AK2: variants seen among roughly 807,000 people sequenced by gnomAD.
AK2 encodes the protein adenylate kinase 2, mitochondrial.
A neutral mutation model predicts 24.6 loss-of-function variants in AK2; 15 were observed. The ratio of observed to expected loss-of-function variants is 0.61; its 90% CI spans 0.41 to 0.94. AK2 has a LOEUF of 0.94. Among genes scored for constraint, AK2 ranks in the 40% least tolerant of loss-of-function variants. The pLI is 0.00. For missense variants in AK2, 257 were observed against 304.1 expected, an observed-to-expected ratio of 0.85 and a Z score of 1.15; for synonymous variants, 102 against 114.0, an observed-to-expected ratio of 0.90 and a Z score of 0.67.
At chr1:33,030,518 C>T (rs1640173268) in intron 1 of AK2, among the ~76,000 whole-genome samples, 1 of 152,138 alleles carries the variant, frequency 6.6e-6, no homozygotes, top group Non-Finnish European at 1.5e-5. Flanking sequence ...CGTGCCATTG[C>T]ACTCCAGCCT....
At chr1:33,016,622 C>T (rs1340084160) in intron 4 of AK2, among the ~76,000 whole-genome samples, 5 of 152,042 alleles carry the variant, frequency 3.3e-5, no homozygotes, top group Non-Finnish European at 7.4e-5. Context: ...GTGACCCTCC[C>T]GCCTCAGTCT....
chr1:33,026,166 A>G (rs1440788148), intron 1 of AK2, among the ~76,000 whole-genome samples: 2 of 152,212 alleles, frequency 1.3e-5, no homozygotes, highest in East Asian at 3.8e-4. Flanking sequence ...CCCGATTCCA[A>G]CAAATCAGTT....
intron 2 of AK2, among the ~76,000 whole-genome samples, chr1:33,023,858 A>G (rs937141827): frequency 2.0e-5 from 3 of 152,186 alleles, no homozygotes; most frequent in African/African-American, 7.2e-5. Flanking sequence ...CAGAACAAAC[A>G]AAATAACTTG....
intron 1 of AK2, chr1:33,031,008 CTTAAG>C (rs945908667): frequency 4.6e-5 from 7 of 152,206 alleles, no homozygotes; most frequent in East Asian, 1.9e-4. Context: ...TATCTTATAG[CTTAAG>C]TTGTTTTTTT....
At chr1:33,033,847 T>C (rs1464643345) in intron 1 of AK2, among the ~76,000 whole-genome samples, 1 of 152,182 alleles carries the variant, frequency 6.6e-6, no homozygotes, top group African/African-American at 2.4e-5. Flanking sequence ...TAAATGTTAT[T>C]GTAGGCTACC....
rs1318893768 is a variant in AK2 at position 33,008,842 on chromosome 1, G to C, written c.*4339C>G. ...TGCATTCTTGGTTTGCAGATTAGAT[G>C]AGGAAACCCAGGCCCAAAGAAGCAA... On this transcript the variant is annotated 3_prime_UTR_variant, in exon 6 of 6. Transcript: ENST00000672715. 2.2e-6 allele frequency: 1 copy of C among 454,020 alleles called. No homozygotes were observed. Among genetic ancestry groups the C allele is most frequent in the African/African-American group, 2.0e-5 (1 of 50,012 alleles). The allele number at this position is 454,020 out of a possible 1,614,324, so 28.1% of individuals were successfully genotyped here. A position where few individuals can be genotyped will look rare whatever the true frequency, so the allele number is the denominator to read the frequency against.
intron 4 of AK2, among the ~76,000 whole-genome samples, chr1:33,016,362 C>A (rs1001276666): frequency 1.3e-5 from 2 of 152,122 alleles, no homozygotes; most frequent in Non-Finnish European, 2.9e-5. Flanking sequence ...CAGGCGCCCA[C>A]CACCAAGCCT....
chr1:33,012,546 G>T lies in AK2; in HGVS notation c.*635C>A. ...GGTTCTGGAATTGCGGTCCCTGGAA[G>T]ATTACCTGGGTTAGTTCATTTTGGT... is the stretch of plus-strand genomic sequence containing the variant. On this transcript the variant is annotated 3_prime_UTR_variant, in exon 6 of 6. Coordinates refer to ENST00000672715, the MANE Select transcript of AK2 (RefSeq NM_001625.4). 7.6e-7 allele frequency: 1 copy of T among 1,315,688 alleles called. No homozygotes were observed. The highest frequency in any genetic ancestry group is 9.9e-7 in the Non-Finnish European group (1 of 1,008,304). The allele number at this position is 1,315,688 out of a possible 1,614,324, so 81.5% of individuals were successfully genotyped here.
intron 1 of AK2, among the ~76,000 whole-genome samples, chr1:33,026,924 G>A (rs899937131): frequency 1.3e-4 from 20 of 152,070 alleles, no homozygotes; most frequent in African/African-American, 4.3e-4. Context: ...TCAGGAGTTC[G>A]AGACTAGCCT....
At chr1:33,017,643 A>T (rs1183307418) in intron 4 of AK2, among the ~76,000 whole-genome samples, 1 of 152,240 alleles carries the variant, frequency 6.6e-6, no homozygotes, top group Admixed American at 6.5e-5. Context: ...CAAGTTCTCA[A>T]AATGGGATTG....
intron 1 of AK2, among the ~76,000 whole-genome samples, chr1:33,035,523 A>G (rs1266378995): frequency 6.6e-6 from 1 of 152,222 alleles, no homozygotes; most frequent in Non-Finnish European, 1.5e-5. Context: ...TTGGGAGCTC[A>G]GACTTCCCTC....
At chr1:33,024,230 T>C (rs1639732583) in intron 2 of AK2, 2 of 657,556 alleles carry the variant, frequency 3.0e-6, no homozygotes, top group Admixed American at 5.5e-5. Flanking sequence ...CTCTAGCACA[T>C]GGTTGTTCAA....
intron 1 of AK2, among the ~76,000 whole-genome samples, chr1:33,035,034 A>G (rs1250537177): frequency 1.3e-5 from 2 of 152,146 alleles, no homozygotes; most frequent in Non-Finnish European, 2.9e-5. Flanking sequence ...AAAAAAGAAA[A>G]AGAAAAAGAA....
chr1:33,020,008 T>C lies in AK2; in HGVS notation c.425+1359A>G. 2.0e-6 allele frequency: 3 copies of C among 1,509,688 alleles called. No homozygotes were observed. In the Admixed American group the frequency reaches 6.4e-5, roughly 32 times the overall value. The allele number at this position is 1,509,688 out of a possible 1,614,324, so 93.5% of individuals were successfully genotyped here. ...CCACAATAAAGAAGGGAATGGAGGGTCCATTTGCAGTTGAAAGCTTCTGTC... is the reference window on the plus strand; with the variant it reads ...CCACAATAAAGAAGGGAATGGAGGGCCCATTTGCAGTTGAAAGCTTCTGTC... On this transcript the variant is annotated intron_variant, in intron 4 of 5. Coordinates refer to ENST00000672715, the MANE Select transcript of AK2 (RefSeq NM_001625.4).
At position 33,009,250 on chromosome 1, in the gene AK2, A is replaced by C; in HGVS notation, c.*3931T>G. 1 of 454,040 alleles carries C rather than the reference A, an allele frequency of 2.2e-6. No individual in the cohort carries two copies. Among genetic ancestry groups the C allele is most frequent in the Non-Finnish European group, 4.4e-6 (1 of 226,764 alleles). The allele number at this position is 454,040 out of a possible 1,614,324, so 28.1% of individuals were successfully genotyped here. ...TCATTTCTCAGAAACCTCACTTGCA[A>C]AGGCAGCCCTTCCAAAAACATGAGA... On this transcript the variant is annotated 3_prime_UTR_variant, in exon 6 of 6. Coordinates refer to ENST00000672715, the MANE Select transcript of AK2 (RefSeq NM_001625.4).
At chr1:33,036,532 G>A (rs943625415) in intron 1 of AK2, among the ~76,000 whole-genome samples, 3 of 152,140 alleles carry the variant, frequency 2.0e-5, no homozygotes, top group Non-Finnish European at 4.4e-5. Flanking sequence ...AATCCCTCGG[G>A]CACTCCAATC....
chr1:33,027,636 T>C (rs1339893213), intron 1 of AK2, among the ~76,000 whole-genome samples: 1 of 151,338 alleles, frequency 6.6e-6, no homozygotes, highest in African/African-American at 2.4e-5. Context: ...TAATCCCAGC[T>C]ACTCAGGAGG....
chr1:33,019,631 G>A (rs1228556281), intron 4 of AK2: 2 of 994,830 alleles, frequency 2.0e-6, no homozygotes, highest in Non-Finnish European at 2.4e-6. Context: ...TGCTAACCCT[G>A]TGCTGTCTAT....
intron 1 of AK2, among the ~76,000 whole-genome samples, chr1:33,029,850 C>T (rs1251385657): frequency 1.3e-5 from 2 of 152,210 alleles, no homozygotes; most frequent in Admixed American, 6.5e-5. Flanking sequence ...GGCACAATTA[C>T]CTTTGTGCCT....
Sources: allele counts gnomAD v4.1 joint callset (sites outside exome capture counted in the v4.1 genomes callset), GRCh38; gene constraint gnomAD v4.1.1; transcripts MANE v1.5; gene names NCBI Gene and HGNC (gene_info 2026-07-23, HGNC 2026-07-21).